Variants in KANSL1 observed in about 807,000 individuals in gnomAD.
The protein encoded by KANSL1 is KAT8 regulatory NSL complex subunit 1, also known as MLL1/MLL complex subunit KANSL1.
KANSL1 carries 22 observed loss-of-function variants against 103.6 expected under a neutral mutation model. That is an observed-to-expected ratio of 0.21 (90% CI 0.15 to 0.30). The LOEUF (loss-of-function observed/expected upper bound fraction) is 0.30, where lower values mean the gene tolerates loss of function less well. Among genes scored for constraint, KANSL1 ranks in the 10% least tolerant of loss-of-function variants. The pLI is 1.00. For missense variants in KANSL1, 1,337 were observed against 1,399.8 expected, an observed-to-expected ratio of 0.96 and a Z score of 0.72; for synonymous variants, 600 against 527.6, an observed-to-expected ratio of 1.14 and a Z score of -1.88.
intron 2 of KANSL1, among the ~76,000 whole-genome samples, chr17:46,115,956 TG>T (rs1438742289): frequency 2.6e-5 from 4 of 152,246 alleles, no homozygotes; most frequent in African/African-American, 9.6e-5. Flanking sequence ...CATTCAGAGT[TG>T]GAAACTACGG....
intron 1 of KANSL1, among the ~76,000 whole-genome samples, chr17:46,174,009 T>C (rs990024425): frequency 2.0e-5 from 3 of 152,252 alleles, no homozygotes; most frequent in African/African-American, 7.2e-5. Context: ...CCTGCTTCAC[T>C]AGCAGACATT....
chr17:46,064,081 A>C (rs1048692268), intron 6 of KANSL1, among the ~76,000 whole-genome samples: 3 of 150,174 alleles, frequency 2.0e-5, no homozygotes, highest in East Asian at 1.9e-4. Context: ...ACAAAAAAAA[A>C]CTGAGACTGA....
At position 46,115,078 on chromosome 17, in the gene KANSL1, GAGATGGAGTTTCGCTCT is replaced by G. The variant is rs1208646180; in HGVS notation, c.1290-20394_1290-20378del. On this transcript the variant is annotated intron_variant, in intron 2 of 14. Coordinates refer to ENST00000432791, the MANE Select transcript of KANSL1 (RefSeq NM_015443.4). ...CAAGTTTTATTTATTTATTTATTTT[GAGATGGAGTTTCGCTCT>G]TGTCATGCAGGCAGGAGTGCAATGC... Among the ~76,000 whole-genome samples, 26 of 152,070 alleles carry G rather than the reference GAGATGGAGTTTCGCTCT, an allele frequency of 1.7e-4. No homozygotes were observed. In the East Asian group the frequency reaches 4.8e-3, roughly 28 times the overall value.
chr17:46,151,485 C>T (rs1396423569), intron 2 of KANSL1, among the ~76,000 whole-genome samples: 2 of 152,252 alleles, frequency 1.3e-5, no homozygotes, highest in African/African-American at 4.8e-5. Context: ...CCATCACTTT[C>T]AATCTCCTTA....
At chr17:46,157,756 G>T (rs1181632502) in intron 2 of KANSL1, among the ~76,000 whole-genome samples, 1 of 152,226 alleles carries the variant, frequency 6.6e-6, no homozygotes, top group Admixed American at 6.5e-5. Flanking sequence ...TTCATATACA[G>T]TTGGGCAGAA....
At chr17:46,032,774 G>A (rs1191539551) in intron 13 of KANSL1, among the ~76,000 whole-genome samples, 2 of 152,128 alleles carry the variant, frequency 1.3e-5, no homozygotes, top group Non-Finnish European at 2.9e-5. Flanking sequence ...GGCCTTCCAA[G>A]CTCCCCGGGT....
chr17:46,217,004 A>AGCTGAGGTGG (rs1350440932), intron 1 of KANSL1, among the ~76,000 whole-genome samples: 2 of 151,906 alleles, frequency 1.3e-5, no homozygotes, highest in Non-Finnish European at 2.9e-5. Flanking sequence ...CTACTCAGGA[A>AGCTGAGGTGG]GCTGAGGTGG....
At chr17:46,168,224 T>C (rs1341489838) in intron 2 of KANSL1, among the ~76,000 whole-genome samples, 1 of 152,270 alleles carries the variant, frequency 6.6e-6, no homozygotes. Flanking sequence ...TGAAAACCTT[T>C]AAAACACTCA....
chr17:46,150,945 A>C lies in KANSL1; in HGVS notation c.1289+19910T>G, dbSNP rs76298366. Among the ~76,000 whole-genome samples the C allele has an allele frequency of 1.1e-4, 16 of 142,676 alleles. 1 individual carries two copies. The highest frequency in any genetic ancestry group is 2.2e-4 in the South Asian group (1 of 4,502). The allele number at this position is 142,676 out of a possible 152,430, so 93.6% of individuals were successfully genotyped here. A position where few individuals can be genotyped will look rare whatever the true frequency, so the allele number is the denominator to read the frequency against. On this transcript the variant is annotated intron_variant, in intron 2 of 14. Coordinates refer to ENST00000432791, the MANE Select transcript of KANSL1 (RefSeq NM_015443.4). The stretch of plus-strand genomic sequence containing the variant: ...ATTCTGTCAAAAAAAAAAAAAAAAA[A>C]CACGAGTATCTTGTGTTCAGCATTA...
At chr17:46,180,417 A>G (rs2532252) in intron 1 of KANSL1, among the ~76,000 whole-genome samples, 34,683 of 151,656 alleles carry the variant, frequency 0.23, 4,493 homozygotes, top group African/African-American at 0.32. Context: ...AGAATCGCTG[A>G]AACCTGAGCG....
intron 2 of KANSL1, among the ~76,000 whole-genome samples, chr17:46,130,653 G>C (rs2043822049): frequency 6.6e-6 from 1 of 152,216 alleles, no homozygotes; most frequent in African/African-American, 2.4e-5. Context: ...AACAAACCTA[G>C]AGAGTCAGTT....
chr17:46,060,002 T>G lies in KANSL1; in HGVS notation c.1848+6535A>C, dbSNP rs142752689. ...TCAGCCTGTGCAACACAGTGAGACC[T>G]GCATCTCAATAAAATAATGAGATAA... On this transcript the variant is annotated intron_variant, in intron 6 of 14. Transcript: ENST00000432791. 2.5e-4 allele frequency among the ~76,000 whole-genome samples: 38 copies of G among 150,808 alleles called. No individual in the cohort carries two copies. In the Admixed American group the frequency reaches 2.5e-3, roughly 10 times the overall value.
rs1449495967 is a variant in KANSL1, at chr17:46,172,072, G to C, written c.72C>G (p.Pro24=). The C allele has an allele frequency of 6.2e-7, 1 of 1,613,860 alleles. No individual in the cohort carries two copies. Among genetic ancestry groups the C allele is most frequent in the Non-Finnish European group, 8.5e-7 (1 of 1,180,054 alleles). The change falls in exon 2 of 15, where the codon CCC becomes CCG. Residue 24 remains proline, a synonymous_variant. Coordinates refer to ENST00000432791, the MANE Select transcript of KANSL1 (RefSeq NM_015443.4). ...TGCCAGGGGACAAGGTAGAGGATGG[G>C]GGAGCCAGTTTGAACCGGATATGGT... ...EAHHIRFKLA[P]PSSTLSPGSA... is the part of the protein sequence containing the mutation.
chr17:46,073,397 G>A (rs988672619), intron 4 of KANSL1, among the ~76,000 whole-genome samples: 2 of 151,896 alleles, frequency 1.3e-5, no homozygotes, highest in African/African-American at 2.4e-5. Context: ...AATGTTTTTC[G>A]CTAAACAAAA....
chr17:46,065,061 A>G (rs62060793), intron 6 of KANSL1, among the ~76,000 whole-genome samples: 21,702 of 151,562 alleles, frequency 0.14, 2,119 homozygotes, highest in Non-Finnish European at 0.22. Context: ...CTGCAGTGTC[A>G]ACCTGGTGGG....
intron 2 of KANSL1, among the ~76,000 whole-genome samples, chr17:46,106,010 C>T (rs1368681205): frequency 3.9e-5 from 6 of 152,090 alleles, no homozygotes; most frequent in Non-Finnish European, 7.3e-5. Flanking sequence ...CCCCTTTCAT[C>T]CCTACTACCC....
rs117385703 is a variant in KANSL1 at position 46,066,868 on chromosome 17, T to C, written c.1653-136A>G. The C allele has an allele frequency of 0.039, 25,157 of 641,778 alleles. 664 individuals carry two copies. Among genetic ancestry groups the C allele is most frequent in the Non-Finnish European group, 0.054 (20,168 of 376,134 alleles). 39.8% of individuals were successfully genotyped at this position (641,778 alleles called of 1,614,324 possible). A position where few individuals can be genotyped will look rare whatever the true frequency, so the allele number is the denominator to read the frequency against. On this transcript the variant is annotated intron_variant, in intron 5 of 14. Coordinates refer to ENST00000432791, the MANE Select transcript of KANSL1 (RefSeq NM_015443.4). ...GCTAATGTTCAGACACAAAGAAGCA[T>C]TCTAGAGCAGAAGCAGGTCTCCTCT...
At chr17:46,121,016 T>G (rs1183795981) in intron 2 of KANSL1, among the ~76,000 whole-genome samples, 1 of 152,120 alleles carries the variant, frequency 6.6e-6, no homozygotes, top group Non-Finnish European at 1.5e-5. Flanking sequence ...GACCAAAAAT[T>G]CCTTCCTCTT....
At chr17:46,037,627 A>C (rs1026379913) in intron 10 of KANSL1, 6 of 152,262 alleles carry the variant, frequency 3.9e-5, no homozygotes, top group Middle Eastern at 3.2e-3. Context: ...GTTTTCATGC[A>C]TATAAAATGA....
Sources: allele counts gnomAD v4.1 joint callset (sites outside exome capture counted in the v4.1 genomes callset), GRCh38; gene constraint gnomAD v4.1.1; transcripts MANE v1.5; gene names NCBI Gene and HGNC (gene_info 2026-07-23, HGNC 2026-07-21).